Variants in CTNND2 observed in about 807,000 individuals in gnomAD.
CTNND2 encodes the protein catenin delta 2.
A neutral mutation model predicts 144.4 loss-of-function variants in CTNND2; 22 were observed. The observed-to-expected ratio is 0.15, with a 90% CI of 0.11 to 0.22. CTNND2 has a LOEUF of 0.22. Among genes scored for constraint, CTNND2 ranks in the 10% least tolerant of loss-of-function variants. The probability of loss-of-function intolerance (pLI) is 1.00; values close to 1 mark genes in which losing one functional copy is unlikely to be tolerated. For synonymous variants in CTNND2, 751 were observed against 695.6 expected, an observed-to-expected ratio of 1.08 and a Z score of -1.25; for missense variants, 1,353 against 1,618.8, an observed-to-expected ratio of 0.84 and a Z score of 2.82.
intron 11 of CTNND2, among the ~76,000 whole-genome samples, chr5:11,194,903 T>C (rs1736699279): frequency 6.6e-6 from 1 of 152,186 alleles, no homozygotes; most frequent in African/African-American, 2.4e-5. Flanking sequence ...CCCCTGGTAG[T>C]GGGAGCATGG....
chr5:11,182,258 G>T (rs945165382), intron 11 of CTNND2, among the ~76,000 whole-genome samples: 2 of 151,688 alleles, frequency 1.3e-5, no homozygotes, highest in Non-Finnish European at 2.9e-5. Flanking sequence ...CGTGTGTAGT[G>T]TGTGCATGCA....
At chr5:11,336,556 C>A (rs932061436) in intron 9 of CTNND2, among the ~76,000 whole-genome samples, 2 of 152,086 alleles carry the variant, frequency 1.3e-5, no homozygotes, top group African/African-American at 4.8e-5. Flanking sequence ...TACTGTGTGC[C>A]CTTTGTAGCA....
chr5:11,767,650 C>T (rs1298742377), intron 1 of CTNND2, among the ~76,000 whole-genome samples: 1 of 152,234 alleles, frequency 6.6e-6, no homozygotes, highest in Middle Eastern at 3.4e-3. Flanking sequence ...TCCTAGGATG[C>T]CTATCAAGGC....
At chr5:11,448,038 C>T (rs577985229) in intron 3 of CTNND2, among the ~76,000 whole-genome samples, 2 of 152,172 alleles carry the variant, frequency 1.3e-5, no homozygotes, top group Admixed American at 6.5e-5. Context: ...AAGTGTTCTG[C>T]GAAGGGAGAG....
intron 9 of CTNND2, among the ~76,000 whole-genome samples, chr5:11,302,491 G>C (rs998722257): frequency 2.6e-5 from 4 of 152,172 alleles, no homozygotes; most frequent in East Asian, 1.9e-4. Flanking sequence ...CCACAGAAGA[G>C]AGAAAAGGGG....
At chr5:11,718,080 A>G (rs752390841) in intron 2 of CTNND2, among the ~76,000 whole-genome samples, 4 of 152,240 alleles carry the variant, frequency 2.6e-5, no homozygotes, top group Non-Finnish European at 4.4e-5. Flanking sequence ...TGTGAAATTT[A>G]TTACTATTGT....
At chr5:11,184,235 T>C (rs1417619482) in intron 11 of CTNND2, among the ~76,000 whole-genome samples, 1 of 152,178 alleles carries the variant, frequency 6.6e-6, no homozygotes, top group Non-Finnish European at 1.5e-5. Flanking sequence ...TGACATAAAA[T>C]GTGAGAAATG....
At chr5:11,685,177 T>C (rs112618401) in intron 2 of CTNND2, among the ~76,000 whole-genome samples, 3,355 of 152,292 alleles carry the variant, frequency 0.022, 46 homozygotes, top group East Asian at 0.057. Flanking sequence ...AGACATTTTC[T>C]TTGTCCATAC....
At chr5:11,803,857 CTT>C (rs946537928) in intron 1 of CTNND2, among the ~76,000 whole-genome samples, 1 of 150,274 alleles carries the variant, frequency 6.7e-6, no homozygotes, top group Non-Finnish European at 1.5e-5. Flanking sequence ...TGAAATTTTT[CTT>C]TTTTTTTTCC....
intron 18 of CTNND2, among the ~76,000 whole-genome samples, chr5:10,997,173 T>A (rs909509380): frequency 2.0e-5 from 3 of 152,006 alleles, no homozygotes; most frequent in Admixed American, 1.3e-4. Flanking sequence ...TTCTGTGGGG[T>A]TCTCTGAAAT....
At chr5:11,488,124 T>A (rs1769015542) in intron 3 of CTNND2, among the ~76,000 whole-genome samples, 1 of 152,218 alleles carries the variant, frequency 6.6e-6, no homozygotes, top group Non-Finnish European at 1.5e-5. Flanking sequence ...AACATCTGAT[T>A]ATCTAAGAAA....
At chr5:11,476,764 G>A (rs26145) in intron 3 of CTNND2, among the ~76,000 whole-genome samples, 92,803 of 152,036 alleles carry the variant, frequency 0.61, 29,523 homozygotes, top group African/African-American at 0.78. Flanking sequence ...TGCTATATAA[G>A]TGCAAAGTAT....
In CTNND2 at chr5:11,686,027, G is replaced by A. The variant is rs755378287; in HGVS notation, c.174+46109C>T. Among the ~76,000 whole-genome samples the A allele has an allele frequency of 2.0e-4, 31 of 152,112 alleles. 1 individual carries two copies. The highest frequency in any genetic ancestry group is 5.5e-4 in the African/African-American group (23 of 41,498). On this transcript the variant is annotated intron_variant, in intron 2 of 21. Coordinates refer to ENST00000304623, the MANE Select transcript of CTNND2 (RefSeq NM_001332.4). ...TCAAGACCAGCCTGGGCAACATGGC[G>A]AAACCCCATCTCTACAAAAAATATA...
chr5:11,283,243 T>C (rs1029357135), intron 9 of CTNND2, among the ~76,000 whole-genome samples: 1 of 152,144 alleles, frequency 6.6e-6, no homozygotes, highest in Non-Finnish European at 1.5e-5. Context: ...CCATCCTGTA[T>C]GGGAATTGAA....
rs113624097 is a variant in CTNND2, at chr5:11,011,865, G to A, written c.3084+6109C>T. On this transcript the variant is annotated intron_variant, in intron 18 of 21. Coordinates refer to ENST00000304623, the MANE Select transcript of CTNND2 (RefSeq NM_001332.4). ...TATAGGAATATCGCTAGCAGGCAGAGCTGCATGGGAGAAAGGAGAAAGACC... is the reference window on the plus strand; with the variant it reads ...TATAGGAATATCGCTAGCAGGCAGAACTGCATGGGAGAAAGGAGAAAGACC... Among the ~76,000 whole-genome samples the A allele has an allele frequency of 4.0e-3, 605 of 152,300 alleles. 5 individuals are homozygous for A. The highest frequency in any genetic ancestry group is 0.012 in the African/African-American group (501 of 41,560).
intron 16 of CTNND2, among the ~76,000 whole-genome samples, chr5:11,073,261 A>C (rs975671819): frequency 1.3e-5 from 2 of 152,140 alleles, no homozygotes; most frequent in South Asian, 4.1e-4. Context: ...GCAAACGTCT[A>C]TTTTCTGTTT....
intron 17 of CTNND2, among the ~76,000 whole-genome samples, chr5:11,020,246 TATATATAAAGAAC>T (rs923765708): frequency 3.3e-5 from 5 of 152,130 alleles, no homozygotes; most frequent in African/African-American, 1.2e-4. Context: ...TATATATATG[TATATATAAAGAAC>T]ATGTATAAAT....
At chr5:10,983,997 G>T (rs1196157646) in intron 20 of CTNND2, among the ~76,000 whole-genome samples, 1 of 152,040 alleles carries the variant, frequency 6.6e-6, no homozygotes, top group Non-Finnish European at 1.5e-5. Context: ...CTTTCTCCCT[G>T]GAACTCGCTT....
At chr5:11,575,761 C>T (rs542900072) in intron 2 of CTNND2, among the ~76,000 whole-genome samples, 1 of 152,268 alleles carries the variant, frequency 6.6e-6, no homozygotes, top group African/African-American at 2.4e-5. Context: ...TTCTGACACA[C>T]CACCTCCTGC....
Sources: allele counts gnomAD v4.1 joint callset (sites outside exome capture counted in the v4.1 genomes callset), GRCh38; gene constraint gnomAD v4.1.1; transcripts MANE v1.5; gene names NCBI Gene and HGNC (gene_info 2026-07-23, HGNC 2026-07-21).